The following ATG7 variants were observed in gnomAD, a reference collection of about 807,000 sequenced individuals.
The protein encoded by ATG7 is autophagy related 7.
In ATG7, 70 loss-of-function variants were observed where a neutral mutation model predicts 82.4. The ratio of observed to expected loss-of-function variants is 0.85; its 90% confidence interval spans 0.70 to 1.04. ATG7 has a LOEUF of 1.04. Ranked by LOEUF, ATG7 falls within the 50% of genes least tolerant of loss-of-function variation. The probability of loss-of-function intolerance (pLI) is 0.00; values close to 1 mark genes in which losing one functional copy is unlikely to be tolerated. For synonymous variants in ATG7, 287 were observed against 313.0 expected (o/e 0.92, Z 0.88); for missense variants, 792 against 864.3 (o/e 0.92, Z 1.05).
intron 20 of ATG7, 124 bp from the exon 21 acceptor site, chr3:11,554,687 C>T: frequency 1.7e-6 from 2 of 1,204,790 alleles, no homozygotes; most frequent in Non-Finnish European, 2.3e-6. Flanking sequence ...GTGACAGTCC[C>T]TCAGAAACAA....
the ATG7 span, chr3:11,565,114 T>C: frequency 3.3e-6 from 4 of 1,222,264 alleles, no homozygotes; most frequent in Admixed American, 3.9e-5. This position sits in a 1 kb window ranked among gnomAD's most constrained non-coding sequence, Gnocchi z 4.1. Context: ...TATTTAATTT[T>C]TTACCCTGAA....
At chr3:11,544,395 G>A (rs2071093417) in intron 20 of ATG7, among the ~76,000 whole-genome samples, 1 of 152,234 alleles carries the variant, frequency 6.6e-6, no homozygotes, top group South Asian at 2.1e-4. Flanking sequence ...CTGCCTTGCA[G>A]AGCACCCTTT....
chr3:11,501,302 AG>A, intron 20 of ATG7, among the ~76,000 whole-genome samples: 2 of 152,346 alleles, frequency 1.3e-5, no homozygotes, highest in East Asian at 3.9e-4. Context: ...GGGAGTTATA[AG>A]AGGAACAAGA....
In ATG7 at chr3:11,371,908, A is replaced by G. The variant is rs552131659; in HGVS notation, c.1875+7174A>G. ...GCCTTTGGAAGCTAATTAGACACGC[A>G]CAGGTGTGCCTAATGAATTCCTGCC... is the stretch of plus-strand genomic sequence containing the variant. On this transcript the variant is annotated intron_variant, in intron 18 of 20. Transcript: ENST00000693202. Among the ~76,000 whole-genome samples, 19 of 151,498 alleles carry G rather than the reference A, an allele frequency of 1.3e-4. 1 individual carries two copies. The South Asian group carries it at 3.8e-3, about 30-fold the overall frequency.
At chr3:11,560,046 T>TCTCTCCTTCACCCCCACC (rs2072837129), downstream of ATG7, among the ~76,000 whole-genome samples, 2 of 151,518 alleles carry the variant, frequency 1.3e-5, no homozygotes, top group Non-Finnish European at 2.9e-5. Context: ...ACAGCCTCAC[T>TCTCTCCTTCACCCCCACC]CTCTCCTTCA....
intron 20 of ATG7, among the ~76,000 whole-genome samples, chr3:11,539,924 G>A (rs1342092972): frequency 1.3e-5 from 2 of 152,238 alleles, no homozygotes; most frequent in Non-Finnish European, 2.9e-5. Flanking sequence ...CTGTCGCTGA[G>A]TAGCGTCTCG....
In ATG7 at chr3:11,512,973, C is replaced by T. The variant is rs752370456; in HGVS notation, c.2080-41838C>T. Among the ~76,000 whole-genome samples the T allele has an allele frequency of 3.1e-4, 47 of 152,132 alleles. 1 individual carries two copies. Among genetic ancestry groups the T allele is most frequent in the Non-Finnish European group, 6.5e-4 (44 of 68,036 alleles). On this transcript the variant is annotated intron_variant, in intron 20 of 20. Coordinates refer to ENST00000693202, the MANE Select transcript of ATG7 (RefSeq NM_001349232.2). ...AGATTAGCTAGATACAGAGTGTGGA[C>T]ACAAAGGTTCTCCAAGTCCCCACCA... is the stretch of plus-strand genomic sequence containing the variant.
intron 20 of ATG7, among the ~76,000 whole-genome samples, chr3:11,484,284 C>T (rs530431034): frequency 5.3e-5 from 8 of 152,266 alleles, no homozygotes; most frequent in African/African-American, 1.9e-4. Context: ...ATCCCAGCTC[C>T]TCAGGAGGCT....
intron 9 of ATG7, among the ~76,000 whole-genome samples, chr3:11,320,598 C>G (rs1950089927): frequency 6.6e-6 from 1 of 152,190 alleles, no homozygotes; most frequent in South Asian, 2.1e-4. Context: ...CATAATTTTA[C>G]ATTTTCTTGA....
chr3:11,511,222 T>C (rs1309060865), intron 20 of ATG7, among the ~76,000 whole-genome samples: 9 of 152,138 alleles, frequency 5.9e-5, no homozygotes. Context: ...TTTATTCTCT[T>C]ATCTGGCCCC....
chr3:11,309,491 C>T (rs1331835674), intron 7 of ATG7, among the ~76,000 whole-genome samples: 1 of 149,734 alleles, frequency 6.7e-6, no homozygotes, highest in African/African-American at 2.5e-5. Context: ...AACATGTTTT[C>T]TGTAAGCGAA....
At chr3:11,278,818 A>G (rs1471521904) in intron 1 of ATG7, among the ~76,000 whole-genome samples, 1 of 152,182 alleles carries the variant, frequency 6.6e-6, no homozygotes, top group East Asian at 1.9e-4. Flanking sequence ...ACGTGCTATG[A>G]AGGTAAGGTA....
At chr3:11,571,157 G>A in the ATG7 span, among the ~76,000 whole-genome samples, 2 of 152,208 alleles carry the variant, frequency 1.3e-5, no homozygotes, top group African/African-American at 4.8e-5. Flanking sequence ...CAAAGACAGA[G>A]ATGACCCTGA....
At chr3:11,537,994 GA>G (rs2070463563) in intron 20 of ATG7, among the ~76,000 whole-genome samples, 1 of 150,114 alleles carries the variant, frequency 6.7e-6, no homozygotes, top group Non-Finnish European at 1.5e-5. Context: ...GAATGTAGAA[GA>G]GGCCAGGGAA....
intron 20 of ATG7, among the ~76,000 whole-genome samples, chr3:11,543,260 T>C (rs548868971): frequency 6.6e-6 from 1 of 152,366 alleles, no homozygotes; most frequent in Non-Finnish European, 1.5e-5. Context: ...ACCTTGTTCC[T>C]GGAACCCCGG....
chr3:11,294,199 G>C (rs368279429), intron 3 of ATG7, among the ~76,000 whole-genome samples: 1 of 152,040 alleles, frequency 6.6e-6, no homozygotes, highest in African/African-American at 2.4e-5. Context: ...GTTTCTACAC[G>C]TGTGCCTCAA....
intron 19 of ATG7, among the ~76,000 whole-genome samples, chr3:11,410,235 C>T (rs2080765272): frequency 6.6e-6 from 1 of 152,172 alleles, no homozygotes; most frequent in African/African-American, 2.4e-5. Flanking sequence ...TCTCCAACTT[C>T]TCTCAGCAGT....
chr3:11,462,424 G>A (rs996654034), intron 20 of ATG7, among the ~76,000 whole-genome samples: 3 of 152,158 alleles, frequency 2.0e-5, no homozygotes, highest in Non-Finnish European at 4.4e-5. Context: ...GCAGTCAGGA[G>A]GCAGAAGACA....
chr3:11,341,862 A>G (rs1244883480), intron 12 of ATG7, among the ~76,000 whole-genome samples: 5 of 152,258 alleles, frequency 3.3e-5, no homozygotes, highest in Non-Finnish European at 5.9e-5. Flanking sequence ...CATGGACACC[A>G]TGATTCCTAT....
Sources: gnomAD v4.1 joint callset for allele counts (sites outside exome capture counted in the v4.1 genomes callset) on GRCh38, gnomAD v4.1.1 for gene constraint, Gnocchi (gnomAD v3.1) non-coding constraint, MANE v1.5 for transcripts, NCBI Gene and HGNC (gene_info 2026-07-23, HGNC 2026-07-21) for gene names.